The following PDE4B variants were observed in gnomAD, a reference collection of about 807,000 sequenced individuals.
PDE4B encodes the protein 3',5'-cyclic-AMP phosphodiesterase 4B.
In PDE4B, 20 loss-of-function variants were observed where a neutral mutation model predicts 82.2. That is an observed-to-expected ratio of 0.24 (90% CI 0.17 to 0.35). PDE4B has a LOEUF of 0.35. Among genes scored for constraint, PDE4B ranks in the 10% least tolerant of loss-of-function variants. PDE4B has a pLI of 1.00. For synonymous variants in PDE4B, 320 were observed against 318.9 expected (o/e 1.00, Z -0.04); for missense variants, 655 against 907.2 (o/e 0.72, Z 3.57).
intron 3 of PDE4B, among the ~76,000 whole-genome samples, chr1:66,078,704 C>T (rs1447597828): frequency 2.0e-5 from 3 of 152,158 alleles, no homozygotes; most frequent in Admixed American, 2.0e-4. Flanking sequence ...CTCATTATCA[C>T]TATCATAAAT....
chr1:66,169,689 G>A (rs1646802950), intron 3 of PDE4B, among the ~76,000 whole-genome samples: 1 of 152,088 alleles, frequency 6.6e-6, no homozygotes, highest in Admixed American at 6.6e-5. Context: ...TGTGAACTTT[G>A]GCTAAAAGAA....
intron 1 of PDE4B, among the ~76,000 whole-genome samples, chr1:65,798,011 T>A (rs1459629798): frequency 1.3e-5 from 2 of 151,854 alleles, no homozygotes; most frequent in Non-Finnish European, 2.9e-5. Context: ...TGTTTAAAAA[T>A]TTATTTATTT....
At position 65,793,626 on chromosome 1, in the gene PDE4B, G is replaced by A. The variant is rs116215722; in HGVS notation, c.-71+378G>A. Among the ~76,000 whole-genome samples the A allele has an allele frequency of 8.5e-3, 1,293 of 152,322 alleles. 21 individuals carry two copies. The highest frequency in any genetic ancestry group is 0.03 in the African/African-American group (1,244 of 41,578). On this transcript the variant is annotated intron_variant, in intron 1 of 16. Transcript: ENST00000341517. ...TGCCCAGTGATTGACTGCAGGCAGC[G>A]GGCGCGGAAGGGAACCTGAACTACC...
intron 3 of PDE4B, among the ~76,000 whole-genome samples, chr1:66,184,379 T>C (rs542892844): frequency 6.6e-6 from 1 of 152,326 alleles, no homozygotes; most frequent in South Asian, 2.1e-4. Context: ...CCAGCCACTA[T>C]TCCAGAAATG....
intron 3 of PDE4B, among the ~76,000 whole-genome samples, chr1:65,944,734 A>G (rs1648615849): frequency 6.6e-6 from 1 of 151,948 alleles, no homozygotes; most frequent in South Asian, 2.1e-4. Flanking sequence ...CAGGTAAGTC[A>G]TGTAAAATAA....
chr1:66,161,151 A>T (rs1466616773), intron 3 of PDE4B, among the ~76,000 whole-genome samples: 1 of 152,104 alleles, frequency 6.6e-6, no homozygotes, highest in Non-Finnish European at 1.5e-5. Context: ...TGGCATTCAA[A>T]TTGGGCATCT....
chr1:65,827,922 C>T (rs1395669013), intron 1 of PDE4B, among the ~76,000 whole-genome samples: 1 of 152,116 alleles, frequency 6.6e-6, no homozygotes, highest in African/African-American at 2.4e-5. Flanking sequence ...GTCATATTAT[C>T]TGCAGAAGAA....
At chr1:66,315,641 A>G (rs1658977979) in intron 7 of PDE4B, among the ~76,000 whole-genome samples, 1 of 151,952 alleles carries the variant, frequency 6.6e-6, no homozygotes, top group African/African-American at 2.4e-5. Flanking sequence ...TTTTTTTTTA[A>G]TAGAGACCGG....
At chr1:66,101,262 T>C (rs1645217973) in intron 3 of PDE4B, among the ~76,000 whole-genome samples, 1 of 152,210 alleles carries the variant, frequency 6.6e-6, no homozygotes, top group Non-Finnish European at 1.5e-5. Flanking sequence ...TTCAAGTCTT[T>C]GCTATTGTGA....
chr1:66,339,241 G>A (rs1660777377), intron 8 of PDE4B, among the ~76,000 whole-genome samples: 1 of 152,142 alleles, frequency 6.6e-6, no homozygotes, highest in Non-Finnish European at 1.5e-5. Context: ...TGAAAGAGAA[G>A]ATTAAGCTAT....
intron 3 of PDE4B, among the ~76,000 whole-genome samples, chr1:66,216,529 T>C (rs1285380194): frequency 6.6e-6 from 1 of 152,174 alleles, no homozygotes; most frequent in African/African-American, 2.4e-5. Flanking sequence ...GGACTCATTT[T>C]CAGTAGACCT....
chr1:65,889,277 T>C (rs1265711752), intron 1 of PDE4B, among the ~76,000 whole-genome samples: 2 of 152,190 alleles, frequency 1.3e-5, no homozygotes, highest in African/African-American at 2.4e-5. Flanking sequence ...ATTCCTGGGA[T>C]AAATCCCACT....
intron 3 of PDE4B, among the ~76,000 whole-genome samples, chr1:66,173,630 A>G (rs753761343): frequency 1.9e-4 from 29 of 152,326 alleles, no homozygotes; most frequent in Middle Eastern, 3.4e-3. Flanking sequence ...AATGTTTTCA[A>G]GATTCAACAG....
intron 2 of PDE4B, among the ~76,000 whole-genome samples, chr1:65,916,604 A>G (rs1647162896): frequency 6.6e-6 from 1 of 152,176 alleles, no homozygotes; most frequent in Non-Finnish European, 1.5e-5. Flanking sequence ...AGACTGATTT[A>G]CCATTATGAT....
chr1:66,341,650 TGGTTA>T (rs1310016533), intron 8 of PDE4B, among the ~76,000 whole-genome samples: 2 of 152,252 alleles, frequency 1.3e-5, no homozygotes, highest in African/African-American at 2.4e-5. Flanking sequence ...AAATACCCTG[TGGTTA>T]GTGTAACTGC....
chr1:65,807,236 C>T (rs1164569636), intron 1 of PDE4B, among the ~76,000 whole-genome samples: 3 of 152,172 alleles, frequency 2.0e-5, no homozygotes, highest in Admixed American at 1.3e-4. Context: ...AAACATTTCT[C>T]CAGCTGTCCC....
chr1:66,169,254 G>A (rs898542217), intron 3 of PDE4B, among the ~76,000 whole-genome samples: 28 of 152,038 alleles, frequency 1.8e-4, no homozygotes, highest in African/African-American at 6.0e-4. Flanking sequence ...CTGTTGTGTC[G>A]GGTTAATTGT....
At chr1:66,137,877 A>G (rs937281942) in intron 3 of PDE4B, among the ~76,000 whole-genome samples, 1 of 152,230 alleles carries the variant, frequency 6.6e-6, no homozygotes. Flanking sequence ...ATTCTGGGAA[A>G]TCAAATATGT....
intron 13 of PDE4B, among the ~76,000 whole-genome samples, chr1:66,367,017 A>G (rs150343034): frequency 4.7e-4 from 72 of 152,340 alleles, no homozygotes; most frequent in African/African-American, 1.7e-3. Flanking sequence ...CTTCTGTCTA[A>G]CAAAAGATGC....
Sources: gnomAD v4.1 joint callset for allele counts (sites outside exome capture counted in the v4.1 genomes callset) on GRCh38, gnomAD v4.1.1 for gene constraint, MANE v1.5 for transcripts, NCBI Gene and HGNC (gene_info 2026-07-23, HGNC 2026-07-21) for gene names.